The following SMCO2 variants were observed in gnomAD, a reference collection of about 807,000 sequenced individuals.
SMCO2 encodes single-pass membrane protein with coiled-coil domains 2, also known as single-pass membrane and coiled-coil domain-containing protein 2.
Under a neutral mutation model 29.5 loss-of-function variants are expected in SMCO2, and 25 were observed. The observed-to-expected ratio is 0.85, with a 90% CI of 0.62 to 1.18. The LOEUF (loss-of-function observed/expected upper bound fraction) is 1.18, where lower values mean the gene tolerates loss of function less well. Ranked by LOEUF, SMCO2 falls within the 50% of genes most tolerant of loss-of-function variation. The pLI, the probability that SMCO2 is intolerant of heterozygous loss-of-function variation, is 0.00. For synonymous variants in SMCO2, 117 were observed against 123.3 expected (o/e 0.95, Z 0.34); for missense variants, 348 against 344.5 (o/e 1.01, Z -0.08).
At chr12:27,459,186 CAAA>C in the SMCO2 span, among the ~76,000 whole-genome samples, 2,704 of 94,678 alleles carry the variant, frequency 0.029, 30 homozygotes, top group East Asian at 0.07. Flanking sequence ...GACTCCATCT[CAAA>C]AAAAAAAAAA....
At chr12:27,464,940 A>G (rs1949486432), upstream of SMCO2, among the ~76,000 whole-genome samples, 1 of 147,782 alleles carries the variant, frequency 6.8e-6, no homozygotes. Context: ...GAGGCAGGAG[A>G]ATGGTGTGAA....
At chr12:27,485,511 G>A (rs535148113) in intron 4 of SMCO2, among the ~76,000 whole-genome samples, 5 of 148,190 alleles carry the variant, frequency 3.4e-5, no homozygotes, top group African/African-American at 7.5e-5. Context: ...GTGCAGTGGC[G>A]TGATCTTGGC....
intron 5 of SMCO2, among the ~76,000 whole-genome samples, chr12:27,493,339 A>T (rs73304311): frequency 0.015 from 2,266 of 151,122 alleles, 57 homozygotes; most frequent in African/African-American, 0.052. Flanking sequence ...AATAAAAGTT[A>T]AAAAAAAAGA....
chr12:27,478,616 G>A (rs541840409), intron 4 of SMCO2, among the ~76,000 whole-genome samples: 3 of 152,160 alleles, frequency 2.0e-5, no homozygotes, highest in South Asian at 2.1e-4. Context: ...CAGTGATGGC[G>A]GCAGCTGTAG....
rs909456030 is a variant in SMCO2 at position 27,495,827 on chromosome 12, C to T, written c.655C>T (p.Gln219Ter). 5.9e-6 allele frequency: 9 copies of T among 1,527,264 alleles called. No individual in the cohort carries two copies. The highest frequency in any genetic ancestry group is 8.0e-6 in the Non-Finnish European group (9 of 1,131,634). The allele number at this position is 1,527,264 out of a possible 1,614,324, so 94.6% of individuals were successfully genotyped here. ...TCAGGCCCCAGCATCCTTTTTAGTG[C>T]AGAAGTCTCCTCCCCGCAATACAGC... The change falls in exon 7 of 8, where the codon CAG becomes TAG. Residue 219 changes from glutamine (Q) to a stop codon, truncating the protein, a stop_gained. Transcript: ENST00000298876. LOFTEE classifies it low-confidence loss of function (END_TRUNC).
the SMCO2 span, among the ~76,000 whole-genome samples, chr12:27,443,360 A>G: frequency 6.6e-6 from 1 of 152,216 alleles, no homozygotes; most frequent in Non-Finnish European, 1.5e-5. Flanking sequence ...TAGAAGGAAC[A>G]TACCTCAAAA....
chr12:27,434,713 A>G, the SMCO2 span, among the ~76,000 whole-genome samples: 3 of 151,832 alleles, frequency 2.0e-5, no homozygotes, highest in Non-Finnish European at 4.4e-5. Context: ...TTAAGGAGAA[A>G]ATAAGGTAGC....
At chr12:27,486,661 C>G (rs1949691391) in intron 4 of SMCO2, among the ~76,000 whole-genome samples, 1 of 152,182 alleles carries the variant, frequency 6.6e-6, no homozygotes, top group Non-Finnish European at 1.5e-5. Flanking sequence ...TTCAAAAGGG[C>G]AAAGACCTTT....
At chr12:27,492,116 T>G (rs1293750136) in intron 5 of SMCO2, among the ~76,000 whole-genome samples, 1 of 152,350 alleles carries the variant, frequency 6.6e-6, no homozygotes, top group Admixed American at 6.5e-5. Context: ...TATATTTATA[T>G]TCTTCCAAAT....
At position 27,475,741 on chromosome 12, in the gene SMCO2, G is replaced by A; in HGVS notation, c.362+828G>A. On this transcript the variant is annotated intron_variant, in intron 4 of 7. Coordinates refer to ENST00000298876, the Ensembl canonical transcript of SMCO2. ...AAAACACAGTGAAGAGGTAATTGTA[G>A]GGTGTTGGGGTTGGTCATAAAATAG... The A allele has an allele frequency of 1.3e-6, 2 of 1,495,476 alleles. No homozygotes were observed. Among genetic ancestry groups the A allele is most frequent in the Non-Finnish European group, 1.8e-6 (2 of 1,125,600 alleles). 92.6% of individuals were successfully genotyped at this position (1,495,476 alleles called of 1,614,324 possible).
intron 4 of SMCO2, among the ~76,000 whole-genome samples, chr12:27,481,356 G>A (rs539287133): frequency 6.6e-6 from 1 of 152,392 alleles, no homozygotes; most frequent in South Asian, 2.1e-4. Flanking sequence ...GACTGCAGAA[G>A]TTGAATGTGG....
chr12:27,459,493 G>A, the SMCO2 span, among the ~76,000 whole-genome samples: 144 of 152,218 alleles, frequency 9.5e-4, no homozygotes, highest in African/African-American at 3.3e-3. Context: ...GGAAGAAGGT[G>A]GGGATCAAAA....
the SMCO2 span, among the ~76,000 whole-genome samples, chr12:27,456,885 G>T: frequency 6.6e-6 from 1 of 152,110 alleles, no homozygotes; most frequent in South Asian, 2.1e-4. Flanking sequence ...TTGCTACTGA[G>T]CTCAGTCTCC....
chr12:27,426,774 T>C, the SMCO2 span, among the ~76,000 whole-genome samples: 2 of 152,308 alleles, frequency 1.3e-5, no homozygotes, highest in South Asian at 2.1e-4. Context: ...TAGAAATTCA[T>C]AACCAATGGG....
chr12:27,443,798 A>G, the SMCO2 span, among the ~76,000 whole-genome samples: 1 of 152,230 alleles, frequency 6.6e-6, no homozygotes, highest in African/African-American at 2.4e-5. Flanking sequence ...GAAAACAATA[A>G]AATTCTGATG....
chr12:27,489,347 C>A (rs1949715911), intron 5 of SMCO2, among the ~76,000 whole-genome samples: 1 of 152,114 alleles, frequency 6.6e-6, no homozygotes, highest in Admixed American at 6.5e-5. Context: ...CCGCACCCAG[C>A]CTAATGTTCC....
chr12:27,499,337 G>A lies in SMCO2; in HGVS notation c.684-2586G>A, dbSNP rs927567328. ...TCAGTGAAAGACAGCCAGACACAGA[G>A]GGATATCCAAATGATTCCATCTATA... is the stretch of plus-strand genomic sequence containing the variant. On this transcript the variant is annotated intron_variant, in intron 7 of 7. Transcript: ENST00000298876. Among the ~76,000 whole-genome samples the A allele has an allele frequency of 2.7e-5, 4 of 150,678 alleles. No homozygotes were observed. In the South Asian group the frequency reaches 8.4e-4, roughly 32 times the overall value.
the SMCO2 span, among the ~76,000 whole-genome samples, chr12:27,440,648 GTTTT>G: frequency 8.2e-6 from 1 of 122,366 alleles, no homozygotes; most frequent in African/African-American, 3.0e-5. Flanking sequence ...TTTTCTGTGG[GTTTT>G]TTTTTTTTTT....
chr12:27,427,074 A>G, the SMCO2 span, among the ~76,000 whole-genome samples: 3 of 152,226 alleles, frequency 2.0e-5, no homozygotes, highest in African/African-American at 7.2e-5. Context: ...GAAAGCAGTA[A>G]CTATAGAATG....
Sources: gnomAD v4.1 joint callset for allele counts (sites outside exome capture counted in the v4.1 genomes callset) on GRCh38, gnomAD v4.1.1 for gene constraint, MANE v1.5 for transcripts, NCBI Gene and HGNC (gene_info 2026-07-23, HGNC 2026-07-21) for gene names.